CNTRL: variants seen among roughly 807,000 people sequenced by gnomAD.
CNTRL encodes 110 kDa centrosomal protein.
CNTRL carries 233 observed loss-of-function variants against 303.7 expected under a neutral mutation model. The ratio of observed to expected loss-of-function variants is 0.77; its 90% CI spans 0.69 to 0.86. The LOEUF (loss-of-function observed/expected upper bound fraction) is 0.86, where lower values mean the gene tolerates loss of function less well. CNTRL is among the 40% of genes least tolerant of loss of function. The pLI, the probability that CNTRL is intolerant of heterozygous loss-of-function variation, is 0.00. For missense variants in CNTRL, 2,524 were observed against 2,650.6 expected (o/e 0.95, Z 1.05); for synonymous variants, 900 against 922.2 (o/e 0.98, Z 0.44).
At chr9:121,138,466 T>C in intron 15 of CNTRL, 79 bp from the exon 16 acceptor site, 1 of 1,428,692 alleles carries the variant, frequency 7.0e-7, no homozygotes, top group Non-Finnish European at 9.7e-7. Flanking sequence ...TGTGTGTATA[T>C]GTAAATTTAT....
intron 8 of CNTRL, among the ~76,000 whole-genome samples, chr9:121,111,501 T>C (rs1458435796): frequency 1.3e-5 from 2 of 152,106 alleles, no homozygotes; most frequent in African/African-American, 4.8e-5. Flanking sequence ...TTGTAAAATG[T>C]TTGTGTTTGT....
chr9:121,106,494 G>T (rs376557144), intron 7 of CNTRL, among the ~76,000 whole-genome samples: 3 of 152,284 alleles, frequency 2.0e-5, no homozygotes, highest in African/African-American at 7.2e-5. Context: ...GCAAAGATAT[G>T]TGCAGGTGTG....
chr9:121,122,139 AG>A (rs1471070277), intron 12 of CNTRL, among the ~76,000 whole-genome samples: 1 of 152,200 alleles, frequency 6.6e-6, no homozygotes, highest in Non-Finnish European at 1.5e-5. Flanking sequence ...CTGCGTATAA[AG>A]GTTTTGGTGG....
rs149488932 is a variant in CNTRL, at chr9:121,153,766, C to T, written c.4173-955C>T. Among the ~76,000 whole-genome samples, 58 of 152,270 alleles carry T rather than the reference C, an allele frequency of 3.8e-4. No individual in the cohort carries two copies. The East Asian group carries it at 0.011, about 29-fold the overall frequency. On this transcript the variant is annotated intron_variant, in intron 26 of 43. Coordinates refer to ENST00000373855, the MANE Select transcript of CNTRL (RefSeq NM_007018.6). ...TTTTTGTCATTTAACCCAGACTGGC[C>T]CAGACCCCAGGGTGGTAGGGAGGCC...
intron 27 of CNTRL, among the ~76,000 whole-genome samples, chr9:121,157,063 T>C (rs2052610133): frequency 6.6e-6 from 1 of 152,266 alleles, no homozygotes; most frequent in African/African-American, 2.4e-5. Context: ...TTTATTTTTA[T>C]ATAGTCTTTC....
chr9:121,125,172 T>TC (rs1264779742), intron 13 of CNTRL, among the ~76,000 whole-genome samples: 1 of 147,544 alleles, frequency 6.8e-6, no homozygotes, highest in African/African-American at 2.5e-5. Context: ...AAATTAAACT[T>TC]TTTTTTTTTT....
chr9:121,135,544 A>G (rs950051221), intron 14 of CNTRL, among the ~76,000 whole-genome samples: 7 of 152,178 alleles, frequency 4.6e-5, no homozygotes, highest in Admixed American at 3.9e-4. Flanking sequence ...TTTTAGACTC[A>G]TAAGTATCAC....
At chr9:121,084,630 C>T (rs1357617545) in intron 2 of CNTRL, among the ~76,000 whole-genome samples, 6 of 151,778 alleles carry the variant, frequency 4.0e-5, no homozygotes, top group South Asian at 4.2e-4. Flanking sequence ...CTGCAAGCTC[C>T]GCCTCCCAGG....
chr9:121,161,841 G>A lies in CNTRL; in HGVS notation c.5090-15G>A. The A allele has an allele frequency of 6.4e-7, 1 of 1,568,112 alleles. No homozygotes were observed. The highest frequency in any genetic ancestry group is 8.8e-7 in the Non-Finnish European group (1 of 1,139,726). The stretch of plus-strand genomic sequence containing the variant: ...CATTTAATATCATGGACCATGCTTT[G>A]TTTCTATCCCTTAGAACTAAAGAAT... On this transcript the variant is annotated splice_polypyrimidine_tract_variant and intron_variant, in intron 32 of 43. Coordinates refer to ENST00000373855, the MANE Select transcript of CNTRL (RefSeq NM_007018.6).
At position 121,168,311 on chromosome 9, in the gene CNTRL, C is replaced by T. The variant is rs1189455663; in HGVS notation, c.6060C>T (p.Leu2020=). The T allele has an allele frequency of 6.2e-7, 1 of 1,613,798 alleles. No homozygotes were observed. The highest frequency in any genetic ancestry group is 1.3e-5 in the African/African-American group (1 of 75,026). Residue 2020 remains leucine, a synonymous_variant, in exon 38 of 44, where the codon CTC becomes CTT. Transcript: ENST00000373855. ...GGTGTGAGAGCCTGGAGAAGACACT[C>T]TCCCAAACTAGTATGTATTCTGGAA... The part of the protein sequence containing the change: ...ERWCESLEKT[L]SQTKRQLSER...
chr9:121,139,270 A>G (rs1195620740), intron 16 of CNTRL, among the ~76,000 whole-genome samples: 1 of 152,228 alleles, frequency 6.6e-6, no homozygotes, highest in Admixed American at 6.5e-5. Flanking sequence ...TAAACTCTCG[A>G]AGAAGACAGA....
At chr9:121,134,447 C>T (rs1450363372) in intron 14 of CNTRL, among the ~76,000 whole-genome samples, 28 of 152,224 alleles carry the variant, frequency 1.8e-4, no homozygotes, top group Admixed American at 1.4e-3. Flanking sequence ...TGTGCCACCA[C>T]GCCTGGCTAA....
intron 7 of CNTRL, among the ~76,000 whole-genome samples, chr9:121,103,747 C>A (rs1236738175): frequency 6.6e-6 from 1 of 152,166 alleles, no homozygotes; most frequent in African/African-American, 2.4e-5. Flanking sequence ...TGAACAGACA[C>A]ATCTCAAAAG....
intron 32 of CNTRL, 78 bp downstream of exon 32, chr9:121,160,380 A>C: frequency 9.1e-7 from 1 of 1,102,958 alleles, no homozygotes. Flanking sequence ...AAAATAACAA[A>C]TGGCCAAAAA....
Position 121,098,460 on chromosome 9 carries a change from C to G in CNTRL, c.696C>G (p.Thr232=). 6.2e-7 allele frequency: 1 copy of G among 1,613,608 alleles called. No homozygotes were observed. Among genetic ancestry groups the G allele is most frequent in the South Asian group, 1.1e-5 (1 of 91,060 alleles). The change falls in exon 7 of 44, where the codon ACC becomes ACG. Residue 232 remains threonine (T), a synonymous_variant. Transcript: ENST00000373855. ...SLILVENPVV[T]LPHYLQFTIF... ...TCCTAGTTGAAAATCCAGTTGTGAC[C>G]CTTCCTCATTACCTCCAGTTTACCA...
chr9:121,171,500 G>A lies in CNTRL; in HGVS notation c.6369G>A (p.Met2123Ile), dbSNP rs576952885. The A allele has an allele frequency of 6.8e-6, 11 of 1,613,962 alleles. No homozygotes were observed. Among genetic ancestry groups the A allele is most frequent in the Non-Finnish European group, 8.5e-6 (10 of 1,179,986 alleles). The part of the protein sequence containing the change: ...QDNHERARRL[M>I]KELNQMQYEY... ...ACCATGAGCGGGCCAGGCGCCTGATGAAGGAGCTCAACCAGATGCAGTATG... is the reference window on the plus strand; with the variant it reads ...ACCATGAGCGGGCCAGGCGCCTGATAAAGGAGCTCAACCAGATGCAGTATG... The change falls in exon 40 of 44, where the codon ATG becomes ATA. Residue 2123 changes from methionine to isoleucine, a missense_variant. Coordinates refer to ENST00000373855, the MANE Select transcript of CNTRL (RefSeq NM_007018.6).
chr9:121,107,614 T>G (rs1021652007), intron 7 of CNTRL, among the ~76,000 whole-genome samples, 188 bp from the exon 8 acceptor site: 1 of 152,212 alleles, frequency 6.6e-6, no homozygotes, highest in African/African-American at 2.4e-5. Flanking sequence ...ATCATTGAAA[T>G]GATGCCTTCT....
At chr9:121,174,100 C>A (rs2053427261) in intron 42 of CNTRL, among the ~76,000 whole-genome samples, 1 of 152,172 alleles carries the variant, frequency 6.6e-6, no homozygotes, top group South Asian at 2.1e-4. Context: ...GAAAAGTAGG[C>A]TGAATGTCAG....
chr9:121,088,208 T>C (rs954449610), intron 2 of CNTRL, 88 bp from the exon 3 acceptor site: 3 of 670,992 alleles, frequency 4.5e-6, no homozygotes, highest in Non-Finnish European at 5.1e-6. Flanking sequence ...TCTGAGTTTA[T>C]AACTTTATAG....
Sources: allele counts gnomAD v4.1 joint callset (sites outside exome capture counted in the v4.1 genomes callset), GRCh38; gene constraint gnomAD v4.1.1; transcripts MANE v1.5; gene names NCBI Gene and HGNC (gene_info 2026-07-23, HGNC 2026-07-21).